Variants in SMARCA2 observed in about 807,000 individuals in gnomAD.
SMARCA2 encodes the protein SWI/SNF related BAF chromatin remodeling complex subunit ATPase 2.
In SMARCA2, 61 loss-of-function variants were observed where a neutral mutation model predicts 199.8. The ratio of observed to expected loss-of-function variants is 0.31; its 90% CI spans 0.25 to 0.38. The LOEUF is 0.38. Ranked by LOEUF, SMARCA2 falls within the 10% of genes least tolerant of loss-of-function variation. The pLI is 1.00. For synonymous variants in SMARCA2, 935 were observed against 732.0 expected (o/e 1.28, Z -4.48); for missense variants, 1,344 against 2,012.2 (o/e 0.67, Z 6.35).
chr9:2,123,699 C>G lies in SMARCA2; in HGVS notation c.3763-20C>G. On this transcript the variant is annotated intron_variant, in intron 26 of 33. Transcript: ENST00000349721. This position sits in a 1 kb window ranked among gnomAD's most constrained non-coding sequence, Gnocchi z 4.1. Reference sequence around the variant, plus strand: ...TACAGAAGCCCTGACTTTCGGTGACCCTCTTATTAATGTCTCCAGCGGATG... The same window carrying G: ...TACAGAAGCCCTGACTTTCGGTGACGCTCTTATTAATGTCTCCAGCGGATG... 1 of 1,609,786 alleles carries G rather than the reference C, an allele frequency of 6.2e-7. No homozygotes were observed. Among genetic ancestry groups the G allele is most frequent in the Non-Finnish European group, 8.5e-7 (1 of 1,176,548 alleles).
rs996024348 is a variant in SMARCA2, at chr9:2,144,115, A to G, written c.3982-17571A>G. Among the ~76,000 whole-genome samples the G allele has an allele frequency of 2.6e-5, 4 of 152,306 alleles. No individual in the cohort carries two copies. The East Asian group carries it at 7.7e-4, about 29-fold the overall frequency. On this transcript the variant is annotated intron_variant, in intron 27 of 33. Transcript: ENST00000349721. Reference sequence around the variant, plus strand: ...TCTTTTGAGGGGGCAGTCAATCATTAGAGGAAATGAATGGACAGAAGTTAA... The same window carrying G: ...TCTTTTGAGGGGGCAGTCAATCATTGGAGGAAATGAATGGACAGAAGTTAA...
In SMARCA2 at chr9:2,110,190, G is replaced by T; in HGVS notation, c.3293-64G>T. ...TTTCTTGAAGGAAGCAAGCCTTTTT[G>T]TCTCATTCTGTGCCATTTTCAGACA... On this transcript the variant is annotated intron_variant, in intron 23 of 33. Transcript: ENST00000349721. The surrounding 1 kb of genome is among the most constrained non-coding windows in gnomAD (Gnocchi z 4.8). The T allele has an allele frequency of 1.5e-6, 2 of 1,350,744 alleles. No homozygotes were observed. The highest frequency in any genetic ancestry group is 2.2e-5 in the Admixed American group (1 of 45,092). 83.7% of individuals were successfully genotyped at this position (1,350,744 alleles called of 1,614,324 possible).
chr9:2,077,147 G>C (rs1456129560), intron 13 of SMARCA2, among the ~76,000 whole-genome samples: 1 of 152,100 alleles, frequency 6.6e-6, no homozygotes, highest in African/African-American at 2.4e-5. Flanking sequence ...GAAGATAGAA[G>C]CCTACCTTTC....
chr9:2,136,312 C>T (rs6475529), intron 27 of SMARCA2, among the ~76,000 whole-genome samples: 49,206 of 151,312 alleles, frequency 0.33, 13,227 homozygotes, highest in African/African-American at 0.74. Context: ...CTCAGCCTCC[C>T]GAGTAGCTGG....
chr9:2,144,448 G>A (rs1398450086), intron 27 of SMARCA2, among the ~76,000 whole-genome samples: 1 of 152,160 alleles, frequency 6.6e-6, no homozygotes, highest in Non-Finnish European at 1.5e-5. Context: ...CTCTAAGCAT[G>A]TCAAGGCACC....
At position 2,169,635 on chromosome 9, in the gene SMARCA2, G is replaced by C. The variant is rs7852257; in HGVS notation, c.4200-784G>C. Among the ~76,000 whole-genome samples, 12,128 of 152,074 alleles carry C rather than the reference G, an allele frequency of 0.08. 909 individuals are homozygous for C. Among genetic ancestry groups the C allele is most frequent in the East Asian group, 0.22 (1,117 of 5,158 alleles). On this transcript the variant is annotated intron_variant, in intron 28 of 33. Transcript: ENST00000349721. The surrounding 1 kb of genome is among the most constrained non-coding windows in gnomAD (Gnocchi z 6.5). ...GGGATTTATACATGGACAGGCACAG[G>C]CTGTGAATCCCAAAGGGTGCTGTCT...
chr9:2,030,680 C>A (rs1205386567), intron 2 of SMARCA2, among the ~76,000 whole-genome samples: 1 of 151,702 alleles, frequency 6.6e-6, no homozygotes, highest in Non-Finnish European at 1.5e-5. Context: ...GACAGACATA[C>A]CCAGAAATAA....
chr9:2,181,540 CTTGTTTTTGT>C, intron 29 of SMARCA2, 21 bp from the exon 30 acceptor site: 1 of 1,043,480 alleles, frequency 9.6e-7, no homozygotes, highest in African/African-American at 1.6e-5. Flanking sequence ...TTTGATGTGG[CTTGTTTTTGT>C]TTGTTTCACC....
intron 28 of SMARCA2, among the ~76,000 whole-genome samples, chr9:2,168,244 C>G (rs754033199): frequency 1.3e-5 from 2 of 152,094 alleles, no homozygotes; most frequent in African/African-American, 4.8e-5. Context: ...CTCCTGACCT[C>G]AGGTGATCTG....
At chr9:2,159,741 AT>A in intron 27 of SMARCA2, 1 of 1,535,560 alleles carries the variant, frequency 6.5e-7, no homozygotes, top group African/African-American at 1.4e-5. Flanking sequence ...TCAGTATTAA[AT>A]TTTCAGTAAA....
chr9:2,188,275 T>A lies in SMARCA2; in HGVS notation c.4594+2047T>A, dbSNP rs563791808. ...CTCTGTTAATCAGGCTGTTTCCCAATAATGCTGTCCTGAGCATTTTACCCA... is the reference window on the plus strand; with the variant it reads ...CTCTGTTAATCAGGCTGTTTCCCAAAAATGCTGTCCTGAGCATTTTACCCA... On this transcript the variant is annotated intron_variant, in intron 32 of 33. Coordinates refer to ENST00000349721, the MANE Select transcript of SMARCA2 (RefSeq NM_003070.5). 2.0e-5 allele frequency among the ~76,000 whole-genome samples: 3 copies of A among 152,294 alleles called. No homozygotes were observed. The East Asian group carries it at 5.8e-4, about 29-fold the overall frequency.
intron 18 of SMARCA2, among the ~76,000 whole-genome samples, chr9:2,088,266 C>G (rs921724981): frequency 3.3e-5 from 5 of 152,202 alleles, no homozygotes; most frequent in Non-Finnish European, 4.4e-5. Context: ...CTTCCGGGCT[C>G]TTTTCCATAG....
chr9:2,015,480 C>T (rs532469122), intron 1 of SMARCA2, 76 bp downstream of exon 1: 5 of 152,952 alleles, frequency 3.3e-5, no homozygotes, highest in African/African-American at 9.6e-5. Flanking sequence ...GCTCAGACCC[C>T]TCCGGCACCA....
At chr9:2,093,867 A>G (rs1416395216) in intron 19 of SMARCA2, among the ~76,000 whole-genome samples, 1 of 152,220 alleles carries the variant, frequency 6.6e-6, no homozygotes, top group Non-Finnish European at 1.5e-5. Context: ...AGTAACTCAT[A>G]TCTTGAGACA....
chr9:2,140,149 C>A (rs373231214), intron 27 of SMARCA2, among the ~76,000 whole-genome samples: 1 of 152,218 alleles, frequency 6.6e-6, no homozygotes, highest in Non-Finnish European at 1.5e-5. Context: ...CTAGTACTCT[C>A]ATCAAGAAGT....
At chr9:2,094,746 A>G (rs1374404842) in intron 19 of SMARCA2, among the ~76,000 whole-genome samples, 1 of 152,220 alleles carries the variant, frequency 6.6e-6, no homozygotes. Flanking sequence ...ATCCCAGTAC[A>G]GCTCTTTTGT....
At chr9:2,188,436 G>A (rs566667377) in intron 32 of SMARCA2, among the ~76,000 whole-genome samples, 1 of 152,106 alleles carries the variant, frequency 6.6e-6, no homozygotes, top group Non-Finnish European at 1.5e-5. Context: ...TCTAGTTAGT[G>A]ATTCTGCCTT....
At chr9:2,156,987 G>C (rs1825400001) in intron 27 of SMARCA2, among the ~76,000 whole-genome samples, 1 of 152,104 alleles carries the variant, frequency 6.6e-6, no homozygotes, top group African/African-American at 2.4e-5. Context: ...TTTTATGTCA[G>C]TTTTTCTAAC....
At chr9:2,151,170 A>C (rs1825052454) in intron 27 of SMARCA2, among the ~76,000 whole-genome samples, 1 of 151,488 alleles carries the variant, frequency 6.6e-6, no homozygotes, top group South Asian at 2.1e-4. Context: ...ACTTCTCAGA[A>C]TCTGGTGGTG....
Sources: gnomAD v4.1 joint callset for allele counts (sites outside exome capture counted in the v4.1 genomes callset) on GRCh38, gnomAD v4.1.1 for gene constraint, Gnocchi (gnomAD v3.1) non-coding constraint, MANE v1.5 for transcripts, NCBI Gene and HGNC (gene_info 2026-07-23, HGNC 2026-07-21) for gene names.